SMARCAD1: variants seen among roughly 807,000 people sequenced by gnomAD.
SMARCAD1 encodes SNF2 related chromatin remodeling ATPase with DExD box 1.
SMARCAD1 carries 25 observed loss-of-function variants against 127.1 expected under a neutral mutation model. That is an observed-to-expected ratio of 0.20 (90% CI 0.14 to 0.27). The LOEUF (loss-of-function observed/expected upper bound fraction) is 0.27. SMARCAD1 is among the 10% of genes least tolerant of loss of function. SMARCAD1 has a pLI of 1.00. For missense variants in SMARCAD1, 807 were observed against 1,206.0 expected (o/e 0.67, Z 4.90); for synonymous variants, 400 against 396.9 (o/e 1.01, Z -0.09).
In SMARCAD1 at chr4:94,252,784, G is replaced by C. The variant is rs1449315943; in HGVS notation, c.1058G>C (p.Arg353Thr). The change falls in exon 9 of 24, where the codon AGA (arginine) becomes ACA (threonine). Residue 353 changes from arginine (R) to threonine (T), a missense_variant. This residue lies in a region of SMARCAD1 where 257 missense variants were observed against 303.4 expected (regional missense o/e 0.85). Transcript: ENST00000354268. ...AAAAAAAATGTTTTTAATCCAAAGA[G>C]AGTTGTTGAAGACTCTGAATATGAT... ...KRKKNVFNPK[R>T]VVEDSEYDSG... The C allele has an allele frequency of 1.2e-6, 2 of 1,613,614 alleles. No homozygotes were observed. The highest frequency in any genetic ancestry group is 1.7e-6 in the Non-Finnish European group (2 of 1,179,892).
intron 19 of SMARCAD1, 66 bp from the exon 20 acceptor site, chr4:94,280,526 A>G: frequency 7.2e-7 from 1 of 1,384,426 alleles, no homozygotes; most frequent in Non-Finnish European, 1.0e-6. Flanking sequence ...AGTTTTATTA[A>G]ACTTTTCTCA....
At chr4:94,280,461 A>G (rs2125997625) in intron 19 of SMARCAD1, 131 bp from the exon 20 acceptor site, 2 of 773,586 alleles carry the variant, frequency 2.6e-6, no homozygotes, top group South Asian at 3.7e-5. Flanking sequence ...ATTTTCCTTG[A>G]TAAGTCTGTT....
At position 94,290,215 on chromosome 4, in the gene SMARCAD1, T is replaced by C; in HGVS notation, c.*681T>C. 1 of 454,524 alleles carries C rather than the reference T, an allele frequency of 2.2e-6. No homozygotes were observed. Among genetic ancestry groups the C allele is most frequent in the Non-Finnish European group, 4.4e-6 (1 of 226,772 alleles). 28.2% of individuals were successfully genotyped at this position (454,524 alleles called of 1,614,324 possible). ...AGAAGCCCCTACCTTGCTCCATGGA[T>C]TAATTCCTTCTGTTCATTTTCCAAC... On this transcript the variant is annotated 3_prime_UTR_variant, in exon 24 of 24. Coordinates refer to ENST00000354268, the MANE Select transcript of SMARCAD1 (RefSeq NM_020159.5).
intron 2 of SMARCAD1, chr4:94,213,082 C>G (rs1402004047): frequency 2.3e-6 from 3 of 1,288,112 alleles, no homozygotes; most frequent in Middle Eastern, 4.3e-4. Flanking sequence ...GAAGAGAGAT[C>G]CTACTATATT....
At chr4:94,278,129 C>T (rs145415503) in intron 16 of SMARCAD1, among the ~76,000 whole-genome samples, 5 of 152,282 alleles carry the variant, frequency 3.3e-5, no homozygotes, top group South Asian at 2.1e-4. Flanking sequence ...TCTAGGTAAT[C>T]GATACATGAC....
rs1001212090 is a variant in SMARCAD1 at position 94,253,117 on chromosome 4, T to C, written c.1281+110T>C. 1.1e-4 allele frequency: 168 copies of C among 1,567,968 alleles called. No individual in the cohort carries two copies. In the African/African-American group the frequency reaches 2.0e-3, roughly 19 times the overall value. On this transcript the variant is annotated intron_variant, in intron 9 of 23. Transcript: ENST00000354268. The stretch of plus-strand genomic sequence containing the variant: ...AGGTAAGCATAGATGGGTGGCCTTA[T>C]CCTGTGTAAAGTCAAACATTACTTT...
chr4:94,232,414 T>C (rs1745978957), intron 3 of SMARCAD1, among the ~76,000 whole-genome samples: 1 of 152,154 alleles, frequency 6.6e-6, no homozygotes, highest in Admixed American at 6.5e-5. Context: ...ATGCTTTCAT[T>C]TTCTCAGTCA....
chr4:94,250,446 T>C (rs571687918), intron 7 of SMARCAD1, among the ~76,000 whole-genome samples: 1 of 152,236 alleles, frequency 6.6e-6, no homozygotes, highest in African/African-American at 2.4e-5. Context: ...AAAGCCTAGC[T>C]GCATATTGAA....
chr4:94,230,919 G>T (rs1304369734), intron 3 of SMARCAD1, among the ~76,000 whole-genome samples: 1 of 152,190 alleles, frequency 6.6e-6, no homozygotes, highest in African/African-American at 2.4e-5. Context: ...CCCCTGAGGT[G>T]AGGGTGGGGC....
chr4:94,279,101 G>GAA, intron 19 of SMARCAD1, 51 bp downstream of exon 19: 1 of 1,610,232 alleles, frequency 6.2e-7, no homozygotes, highest in South Asian at 1.1e-5. Context: ...AGGTTAAGTT[G>GAA]TTAGGCTATA....
rs548859538 is a variant in SMARCAD1 at position 94,254,015 on chromosome 4, G to A, written c.1281+1008G>A. Among the ~76,000 whole-genome samples, 3 of 152,212 alleles carry A rather than the reference G, an allele frequency of 2.0e-5. No individual in the cohort carries two copies. In the South Asian group the frequency reaches 6.2e-4, roughly 32 times the overall value. On this transcript the variant is annotated intron_variant, in intron 9 of 23. Coordinates refer to ENST00000354268, the MANE Select transcript of SMARCAD1 (RefSeq NM_020159.5). ...TTATACTTGAAACAAATCTAAATGA[G>A]CATTAAATGCCCTGATAAGTGTCTT... is the stretch of plus-strand genomic sequence containing the variant.
chr4:94,208,089 A>T lies in SMARCAD1; in HGVS notation c.-50+19A>T, dbSNP rs1260675982. ...TGCTTGGGTAAGAGGAGGTTGCATG[A>T]GGGTCAGCTCGTGGTTTCAGTAAGG... On this transcript the variant is annotated intron_variant, in intron 1 of 23. Transcript: ENST00000354268. 9.5e-6 allele frequency: 5 copies of T among 525,570 alleles called. 1 individual carries two copies. Among genetic ancestry groups the T allele is most frequent in the South Asian group, 6.2e-5 (4 of 65,006 alleles). The allele number at this position is 525,570 out of a possible 1,614,324, so 32.6% of individuals were successfully genotyped here.
At chr4:94,260,056 C>T (rs923461508) in intron 9 of SMARCAD1, among the ~76,000 whole-genome samples, 2 of 151,932 alleles carry the variant, frequency 1.3e-5, no homozygotes, top group Admixed American at 6.6e-5. Context: ...TCTGTTTTTC[C>T]AGTTTTTGGT....
intron 10 of SMARCAD1, among the ~76,000 whole-genome samples, chr4:94,269,620 A>G (rs151177090): frequency 9.2e-5 from 14 of 152,034 alleles, no homozygotes; most frequent in Middle Eastern, 3.4e-3. Flanking sequence ...TCAATAAGTG[A>G]TAACTGTTAA....
chr4:94,275,595 A>G (rs1384373380), intron 14 of SMARCAD1, among the ~76,000 whole-genome samples: 2 of 152,048 alleles, frequency 1.3e-5, no homozygotes, highest in African/African-American at 2.4e-5. Flanking sequence ...TCAAGCTGCT[A>G]GCTATTAACT....
chr4:94,274,466 G>A (rs1478500836), intron 12 of SMARCAD1, among the ~76,000 whole-genome samples: 1 of 151,970 alleles, frequency 6.6e-6, no homozygotes, highest in Non-Finnish European at 1.5e-5. Flanking sequence ...ACAGGCGCCC[G>A]CCACCATGCC....
rs575176445 is a variant in SMARCAD1, at chr4:94,283,107, T to G, written c.2727-14T>G. 1.7e-5 allele frequency: 27 copies of G among 1,604,016 alleles called. No homozygotes were observed. The South Asian group carries it at 2.9e-4, about 17-fold the overall frequency. On this transcript the variant is annotated splice_polypyrimidine_tract_variant and intron_variant, in intron 21 of 23. Transcript: ENST00000354268. Reference sequence around the variant, plus strand: ...CTTTTTAGTGAGATTTAACCTAATTTGTTTATCTTACAGGATTCATCTAAT... The same window carrying G: ...CTTTTTAGTGAGATTTAACCTAATTGGTTTATCTTACAGGATTCATCTAAT...
chr4:94,258,091 T>C (rs1328872921), intron 9 of SMARCAD1, among the ~76,000 whole-genome samples: 1 of 152,084 alleles, frequency 6.6e-6, no homozygotes, highest in Non-Finnish European at 1.5e-5. Flanking sequence ...TATTTTCCTA[T>C]ATACTTGTCA....
At chr4:94,269,137 A>G (rs1752164749) in intron 10 of SMARCAD1, among the ~76,000 whole-genome samples, 1 of 152,222 alleles carries the variant, frequency 6.6e-6, no homozygotes, top group Non-Finnish European at 1.5e-5. Flanking sequence ...GAAATGTTTT[A>G]TAAGTTGCAT....
Sources: allele counts gnomAD v4.1 joint callset (sites outside exome capture counted in the v4.1 genomes callset), GRCh38; gene constraint gnomAD v4.1.1; regional missense constraint gnomAD v4.1.1; transcripts MANE v1.5; gene names NCBI Gene and HGNC (gene_info 2026-07-23, HGNC 2026-07-21).